Variants in WNT4 observed in about 807,000 individuals in gnomAD.
The protein encoded by WNT4 is protein Wnt-4.
In WNT4, 16 loss-of-function variants were observed where a neutral mutation model predicts 34.5. The observed-to-expected ratio is 0.46, with a 90% CI of 0.31 to 0.70. The LOEUF (loss-of-function observed/expected upper bound fraction) is 0.70, where lower values mean the gene tolerates loss of function less well. Ranked by LOEUF, WNT4 falls within the 30% of genes least tolerant of loss-of-function variation. The pLI is 0.04. For synonymous variants in WNT4, 200 were observed against 211.9 expected (o/e 0.94, Z 0.49); for missense variants, 379 against 495.9 (o/e 0.76, Z 2.24).
intron 2 of WNT4, among the ~76,000 whole-genome samples, chr1:22,128,256 G>GC (rs1645955125): frequency 6.6e-6 from 1 of 152,210 alleles, no homozygotes; most frequent in Non-Finnish European, 1.5e-5. Context: ...AGCAGCCCCG[G>GC]CCGTCCAGGA....
intron 1 of WNT4, among the ~76,000 whole-genome samples, chr1:22,136,616 G>T (rs1229422202): frequency 6.6e-6 from 1 of 152,190 alleles, no homozygotes; most frequent in East Asian, 1.9e-4. Context: ...CTGGCTGGGG[G>T]TACAGGGCTG....
intron 2 of WNT4, chr1:22,127,331 G>A (rs1477277368): frequency 7.5e-6 from 4 of 531,576 alleles, no homozygotes; most frequent in African/African-American, 1.9e-5. Context: ...AAGGTAAGGA[G>A]GGCTTCTCAT....
intron 2 of WNT4, chr1:22,127,029 CAAAT>C: frequency 2.9e-6 from 1 of 342,824 alleles, no homozygotes; most frequent in Non-Finnish European, 5.8e-6. Flanking sequence ...TCAGTGGAGA[CAAAT>C]TAAGAAGTTT....
intron 2 of WNT4, among the ~76,000 whole-genome samples, chr1:22,128,967 G>T (rs936458787): frequency 6.6e-5 from 10 of 151,996 alleles, no homozygotes; most frequent in Non-Finnish European, 1.3e-4. Flanking sequence ...TGATCCGCCC[G>T]CCTGGGCCTC....
intron 2 of WNT4, among the ~76,000 whole-genome samples, chr1:22,123,916 C>T (rs1262627170): frequency 6.6e-6 from 1 of 152,214 alleles, no homozygotes; most frequent in Non-Finnish European, 1.5e-5. Flanking sequence ...CCTCTGGGCT[C>T]AGCACAGGAG....
rs1019706726 is a variant in WNT4 at position 22,142,031 on chromosome 1, C to G, written c.77+815G>C. ...TGAAAGGAGCGCGGGTCCGCTTGCT[C>G]CCTGTCCACCCACTCACTGGAGCTC... On this transcript the variant is annotated intron_variant, in intron 1 of 4. Coordinates refer to ENST00000290167, the MANE Select transcript of WNT4 (RefSeq NM_030761.5). This position sits in a 1 kb window ranked among gnomAD's most constrained non-coding sequence, Gnocchi z 6.0. Among the ~76,000 whole-genome samples the G allele has an allele frequency of 1.3e-5, 2 of 152,180 alleles. No homozygotes were observed. The highest frequency in any genetic ancestry group is 4.8e-5 in the African/African-American group (2 of 41,438).
intron 2 of WNT4, among the ~76,000 whole-genome samples, chr1:22,124,280 G>C (rs1645924670): frequency 6.6e-6 from 1 of 152,244 alleles, no homozygotes; most frequent in Admixed American, 6.5e-5. Flanking sequence ...CCAGGGGCCA[G>C]GGTAAGGCAG....
At chr1:22,125,268 G>A (rs1250621241) in intron 2 of WNT4, among the ~76,000 whole-genome samples, 1 of 151,738 alleles carries the variant, frequency 6.6e-6, no homozygotes, top group Non-Finnish European at 1.5e-5. Flanking sequence ...ATTGTCTTGT[G>A]TGTGTCTGGC....
chr1:22,120,852 A>G (rs1645891946), intron 4 of WNT4, among the ~76,000 whole-genome samples: 1 of 152,148 alleles, frequency 6.6e-6, no homozygotes. Context: ...GGCATCCAGA[A>G]GGCAGGTGGC....
intron 2 of WNT4, among the ~76,000 whole-genome samples, chr1:22,122,122 T>G (rs1156451470): frequency 3.3e-5 from 5 of 152,196 alleles, no homozygotes; most frequent in African/African-American, 4.8e-5. Context: ...TCCTTATGTA[T>G]GATCTTGCCC....
At position 22,119,019 on chromosome 1, in the gene WNT4, G is replaced by A. The variant is rs1281530000; in HGVS notation, c.*1031C>T. On this transcript the variant is annotated 3_prime_UTR_variant, in exon 5 of 5. Transcript: ENST00000290167. The stretch of plus-strand genomic sequence containing the variant: ...AATTGTGTTGAGTAAGATAATGGGA[G>A]AGGACTTTATTGCACAGCCCTTTCC... 6.6e-6 allele frequency: 1 copy of A among 152,602 alleles called. No individual in the cohort carries two copies. Among genetic ancestry groups the A allele is most frequent in the Non-Finnish European group, 1.5e-5 (1 of 68,284 alleles). 9.5% of individuals were successfully genotyped at this position (152,602 alleles called of 1,614,324 possible). A position where few individuals can be genotyped will look rare whatever the true frequency, so the allele number is the denominator to read the frequency against.
Position 22,139,618 on chromosome 1 carries a change from C to T in WNT4, c.77+3228G>A, listed in dbSNP as rs1029831566. On this transcript the variant is annotated intron_variant, in intron 1 of 4. Transcript: ENST00000290167. The surrounding 1 kb of genome is among the most constrained non-coding windows in gnomAD (Gnocchi z 4.6). ...TAGCTTATTTATTCCCTAACCCTCC[C>T]CAGCACTTCCATTTGGGGTTCAGAA... is the stretch of plus-strand genomic sequence containing the variant. Among the ~76,000 whole-genome samples the T allele has an allele frequency of 6.6e-6, 1 of 152,200 alleles. No individual in the cohort carries two copies. The highest frequency in any genetic ancestry group is 2.4e-5 in the African/African-American group (1 of 41,442).
intron 2 of WNT4, among the ~76,000 whole-genome samples, chr1:22,127,954 T>A (rs1381085066): frequency 6.6e-6 from 1 of 152,162 alleles, no homozygotes; most frequent in Non-Finnish European, 1.5e-5. Flanking sequence ...CCTGCCAATC[T>A]ATCCACCAAT....
At chr1:22,135,661 G>C (rs1212391205) in intron 1 of WNT4, among the ~76,000 whole-genome samples, 1 of 152,168 alleles carries the variant, frequency 6.6e-6, no homozygotes, top group East Asian at 1.9e-4. Flanking sequence ...GCCATGGAAG[G>C]GTTGCTGCCA....
chr1:22,131,820 C>T (rs1472162501), intron 1 of WNT4, among the ~76,000 whole-genome samples: 1 of 152,196 alleles, frequency 6.6e-6, no homozygotes, highest in Non-Finnish European at 1.5e-5. Context: ...CCAGGGGCCT[C>T]CCCGCCCCTC....
chr1:22,136,499 T>C (rs1646022637), intron 1 of WNT4, among the ~76,000 whole-genome samples: 1 of 152,140 alleles, frequency 6.6e-6, no homozygotes, highest in South Asian at 2.1e-4. Context: ...AGTGAGTTCA[T>C]CGGCCTTGGG....
At position 22,123,733 on chromosome 1, in the gene WNT4, C is replaced by T. The variant is rs1645919812; in HGVS notation, c.314-2157G>A. Among the ~76,000 whole-genome samples the T allele has an allele frequency of 3.3e-5, 5 of 152,176 alleles. No homozygotes were observed. In the South Asian group the frequency reaches 1.0e-3, roughly 32 times the overall value. On this transcript the variant is annotated intron_variant, in intron 2 of 4. Coordinates refer to ENST00000290167, the MANE Select transcript of WNT4 (RefSeq NM_030761.5). ...CAGACTCCAGAGCTTTTAAACCTGA[C>T]ATTATTCTGCCTCCCAGAGGCTCTG...
At chr1:22,123,503 G>C (rs1645918080) in intron 2 of WNT4, among the ~76,000 whole-genome samples, 1 of 152,222 alleles carries the variant, frequency 6.6e-6, no homozygotes. Flanking sequence ...ATAATAACGA[G>C]CTAAAGCTTA....
chr1:22,134,976 A>G lies in WNT4; in HGVS notation c.78-5125T>C, dbSNP rs1033462556. Among the ~76,000 whole-genome samples the G allele has an allele frequency of 1.3e-5, 2 of 152,074 alleles. No individual in the cohort carries two copies. The highest frequency in any genetic ancestry group is 2.9e-5 in the Non-Finnish European group (2 of 68,010). Reference sequence around the variant, plus strand: ...GTGGATGACCTCAGCAGCCATCCCAATGGCAGGCTTTTGACAGAGTCTCCA... The same window carrying G: ...GTGGATGACCTCAGCAGCCATCCCAGTGGCAGGCTTTTGACAGAGTCTCCA... On this transcript the variant is annotated intron_variant, in intron 1 of 4. Coordinates refer to ENST00000290167, the MANE Select transcript of WNT4 (RefSeq NM_030761.5). This position sits in a 1 kb window ranked among gnomAD's most constrained non-coding sequence, Gnocchi z 4.1.
Sources: allele counts gnomAD v4.1 joint callset (sites outside exome capture counted in the v4.1 genomes callset), GRCh38; gene constraint gnomAD v4.1.1; non-coding constraint Gnocchi (gnomAD v3.1); transcripts MANE v1.5; gene names NCBI Gene and HGNC (gene_info 2026-07-23, HGNC 2026-07-21).